ATP6V1H: variants seen among roughly 807,000 people sequenced by gnomAD.
ATP6V1H encodes V-type proton ATPase subunit H.
In ATP6V1H, 39 loss-of-function variants were observed where a neutral mutation model predicts 71.7. The observed-to-expected ratio is 0.54, with a 90% CI of 0.42 to 0.71. The LOEUF is 0.71. ATP6V1H is among the 30% of genes least tolerant of loss of function. The probability of loss-of-function intolerance (pLI) is 0.00; values close to 1 mark genes in which losing one functional copy is unlikely to be tolerated. For missense variants in ATP6V1H, 509 were observed against 594.9 expected (o/e 0.86, Z 1.50); for synonymous variants, 192 against 199.3 (o/e 0.96, Z 0.31).
At chr8:53,796,844 T>C (rs1291470134) in intron 8 of ATP6V1H, among the ~76,000 whole-genome samples, 2 of 152,226 alleles carry the variant, frequency 1.3e-5, no homozygotes, top group African/African-American at 4.8e-5. Context: ...ATAATATAAA[T>C]GTTTAAAATG....
intron 2 of ATP6V1H, among the ~76,000 whole-genome samples, chr8:53,837,349 G>A (rs1412704420): frequency 6.6e-6 from 1 of 152,172 alleles, no homozygotes; most frequent in Non-Finnish European, 1.5e-5. Flanking sequence ...CCAGGCACCT[G>A]TAAGAACAGT....
chr8:53,832,869 T>A, intron 3 of ATP6V1H, 115 bp downstream of exon 3: 2 of 624,716 alleles, frequency 3.2e-6, no homozygotes, highest in Non-Finnish European at 5.6e-6. Context: ...ACATGCTCAA[T>A]ATAACGTTCT....
At chr8:53,737,804 T>A (rs73682559) in intron 13 of ATP6V1H, among the ~76,000 whole-genome samples, 2,273 of 152,338 alleles carry the variant, frequency 0.015, 41 homozygotes, top group African/African-American at 0.038. Flanking sequence ...TTAAATGGAA[T>A]AAAAATTCAA....
intron 9 of ATP6V1H, among the ~76,000 whole-genome samples, chr8:53,788,204 T>G (rs1329374723): frequency 1.3e-5 from 2 of 152,174 alleles, no homozygotes; most frequent in African/African-American, 4.8e-5. Flanking sequence ...ACATAATAAG[T>G]GCATTACCCC....
intron 13 of ATP6V1H, among the ~76,000 whole-genome samples, chr8:53,742,428 C>A (rs943666477): frequency 2.6e-5 from 4 of 152,190 alleles, no homozygotes; most frequent in Non-Finnish European, 5.9e-5. Context: ...TGCTTATTCA[C>A]TCCAGTAATA....
At chr8:53,831,104 A>AT (rs747916485) in intron 3 of ATP6V1H, among the ~76,000 whole-genome samples, 15 of 152,248 alleles carry the variant, frequency 9.9e-5, no homozygotes, top group Non-Finnish European at 1.8e-4. Context: ...TGACAAATCA[A>AT]TAAGATTATA....
intron 9 of ATP6V1H, among the ~76,000 whole-genome samples, chr8:53,794,130 A>T (rs1374547383): frequency 6.6e-6 from 1 of 151,880 alleles, no homozygotes; most frequent in East Asian, 1.9e-4. Context: ...AATAGCCATT[A>T]AAAAAAATAC....
At chr8:53,822,227 C>T (rs1810686342) in intron 4 of ATP6V1H, among the ~76,000 whole-genome samples, 1 of 151,984 alleles carries the variant, frequency 6.6e-6, no homozygotes, top group African/African-American at 2.4e-5. Context: ...TCCTGAGGAA[C>T]CTACTAGCAG....
intron 2 of ATP6V1H, among the ~76,000 whole-genome samples, chr8:53,837,889 G>A (rs1811210390): frequency 6.6e-6 from 1 of 152,152 alleles, no homozygotes; most frequent in Non-Finnish European, 1.5e-5. Flanking sequence ...TTTGGACGTA[G>A]AGCTGGAAGA....
intron 12 of ATP6V1H, among the ~76,000 whole-genome samples, chr8:53,754,685 C>T (rs1187649473): frequency 6.6e-6 from 1 of 152,204 alleles, no homozygotes; most frequent in Non-Finnish European, 1.5e-5. Context: ...GAGTTAATGC[C>T]TGGCTTCCAT....
intron 12 of ATP6V1H, among the ~76,000 whole-genome samples, chr8:53,744,751 C>T (rs1452346113): frequency 6.6e-6 from 1 of 152,160 alleles, no homozygotes; most frequent in African/African-American, 2.4e-5. Flanking sequence ...CATAATGTAA[C>T]TATCATCAAA....
intron 7 of ATP6V1H, among the ~76,000 whole-genome samples, chr8:53,806,132 CAG>C (rs996673292): frequency 6.6e-6 from 1 of 151,898 alleles, no homozygotes. Context: ...GGGAGAAGGA[CAG>C]AGTAAAAACT....
intron 2 of ATP6V1H, among the ~76,000 whole-genome samples, chr8:53,840,236 G>T (rs541086308): frequency 6.6e-6 from 1 of 152,154 alleles, no homozygotes; most frequent in Non-Finnish European, 1.5e-5. Context: ...GGTGGCTCAC[G>T]CCTGTAATCC....
Position 53,801,848 on chromosome 8 carries a change from G to T in ATP6V1H, c.628C>A (p.Arg210=). Residue 210 remains arginine, a synonymous_variant, in exon 8 of 14, where the codon CGG becomes AGG. Transcript: ENST00000359530. ...CVAGCLQLML[R]VNEYRFAWVE... ...CAAGCAAAGCGGTACTCATTGACCC[G>T]GAGCATCAGCTGCAAACACCCGGCC... 6.2e-7 allele frequency: 1 copy of T among 1,613,946 alleles called. No homozygotes were observed. Among genetic ancestry groups the T allele is most frequent in the Non-Finnish European group, 8.5e-7 (1 of 1,179,972 alleles).
chr8:53,767,285 A>C (rs1217387745), intron 11 of ATP6V1H, among the ~76,000 whole-genome samples: 1 of 152,242 alleles, frequency 6.6e-6, no homozygotes, highest in African/African-American at 2.4e-5. Context: ...ACTAATGCTA[A>C]AAACAGGATG....
intron 8 of ATP6V1H, among the ~76,000 whole-genome samples, chr8:53,799,317 A>G (rs1809838862): frequency 6.6e-6 from 1 of 152,208 alleles, no homozygotes; most frequent in African/African-American, 2.4e-5. Context: ...GACTAAAATA[A>G]TAAGAAAGTT....
At chr8:53,731,747 T>C (rs984847023) in intron 13 of ATP6V1H, among the ~76,000 whole-genome samples, 1 of 152,268 alleles carries the variant, frequency 6.6e-6, no homozygotes, top group African/African-American at 2.4e-5. Flanking sequence ...CTACATTTCT[T>C]GGTTCCCTGA....
chr8:53,726,950 A>G (rs778860794), intron 13 of ATP6V1H, among the ~76,000 whole-genome samples: 1 of 152,230 alleles, frequency 6.6e-6, no homozygotes, highest in Non-Finnish European at 1.5e-5. Context: ...AGTTATGAGG[A>G]AAACACTTAT....
intron 2 of ATP6V1H, among the ~76,000 whole-genome samples, chr8:53,836,636 C>G (rs1419014416): frequency 6.6e-6 from 1 of 152,190 alleles, no homozygotes; most frequent in African/African-American, 2.4e-5. Context: ...TCCAATTCAA[C>G]CTTCTTCAAA....
Sources: allele counts gnomAD v4.1 joint callset (sites outside exome capture counted in the v4.1 genomes callset), GRCh38; gene constraint gnomAD v4.1.1; transcripts MANE v1.5; gene names NCBI Gene and HGNC (gene_info 2026-07-23, HGNC 2026-07-21).